Variants in TMLHE observed in about 807,000 individuals in gnomAD.
TMLHE encodes the protein trimethyllysine dioxygenase, mitochondrial.
A neutral mutation model predicts 25.7 loss-of-function variants in TMLHE; 18 were observed. The observed-to-expected ratio is 0.70, with a 90% CI of 0.48 to 1.04. The LOEUF is 1.04. Among genes scored for constraint, TMLHE ranks in the 50% least tolerant of loss-of-function variants. The pLI is 0.00. For synonymous variants in TMLHE, 105 were observed against 97.0 expected (o/e 1.08, Z -0.49); for missense variants, 236 against 259.0 (o/e 0.91, Z 0.61).
chrX:155,552,168 T>C (rs2067420301), intron 1 of TMLHE, among the ~76,000 whole-genome samples: 1 of 110,357 alleles, frequency 9.1e-6, no homozygotes, highest in African/African-American at 3.4e-5. Flanking sequence ...TGCATCTATA[T>C]TGATGTGTAA....
chrX:155,587,877 T>G (rs868906335), intron 1 of TMLHE, among the ~76,000 whole-genome samples: 9 of 112,165 alleles, frequency 8.0e-5, no homozygotes, highest in African/African-American at 2.9e-4. Context: ...AAACATCCCA[T>G]GCTTAAGTAT....
intron 1 of TMLHE, among the ~76,000 whole-genome samples, chrX:155,545,644 C>A (rs186077403): frequency 9.0e-6 from 1 of 111,646 alleles, no homozygotes; most frequent in Non-Finnish European, 1.9e-5. Flanking sequence ...ATAATGGAGC[C>A]GAAAAATCCT....
chrX:155,575,905 A>T (rs782000317), intron 1 of TMLHE, among the ~76,000 whole-genome samples: 1 of 112,035 alleles, frequency 8.9e-6, no homozygotes, highest in South Asian at 3.7e-4. Context: ...TGAATGAGCA[A>T]AAGCTGGAAG....
intron 1 of TMLHE, among the ~76,000 whole-genome samples, chrX:155,596,985 G>A (rs1215666039): frequency 2.8e-5 from 3 of 106,528 alleles, no homozygotes; most frequent in African/African-American, 3.4e-5. Flanking sequence ...CCATTAACTC[G>A]TCATTTAGCG....
chrX:155,522,418 T>A (rs931004050), intron 3 of TMLHE, among the ~76,000 whole-genome samples: 2 of 111,856 alleles, frequency 1.8e-5, no homozygotes, highest in Non-Finnish European at 1.9e-5. Flanking sequence ...TTTAACCAGT[T>A]AAACATATAT....
chrX:155,577,348 CG>C (rs1194959129), intron 1 of TMLHE, among the ~76,000 whole-genome samples: 1 of 111,034 alleles, frequency 9.0e-6, no homozygotes, highest in Non-Finnish European at 1.9e-5. Flanking sequence ...GAGGCCAAGG[CG>C]GGTGGATTGC....
Position 155,565,779 on chromosome X carries a change from C to T in TMLHE, c.-1-20502G>A, listed in dbSNP as rs1241999398. The stretch of plus-strand genomic sequence containing the variant: ...CTACTGCTAGGTGGAAGAGGTGCCT[C>T]GATACTCTGGAGATACTGACTTGAA... On this transcript the variant is annotated intron_variant, in intron 1 of 7. Transcript: ENST00000334398. 9.7e-5 allele frequency among the ~76,000 whole-genome samples: 6 copies of T among 62,167 alleles called. 2 individuals carry two copies. The highest frequency in any genetic ancestry group is 2.7e-4 in the Non-Finnish European group (6 of 22,191). The allele number at this position is 62,167 out of a possible 115,157, so 54.0% of individuals were successfully genotyped here.
At position 155,542,162 on chromosome X, in the gene TMLHE, G is replaced by A. The variant is rs782355783; in HGVS notation, c.181+2934C>T. ...GGTATTGCCTAGGTTTTCTTCTAGG[G>A]TTTTTATGGTTTTAGGTCTTATGTT... On this transcript the variant is annotated intron_variant, in intron 2 of 7. Coordinates refer to ENST00000334398, the MANE Select transcript of TMLHE (RefSeq NM_018196.4). Among the ~76,000 whole-genome samples, 19 of 111,133 alleles carry A rather than the reference G, an allele frequency of 1.7e-4. No homozygotes were observed. In the East Asian group the frequency reaches 5.1e-3, roughly 30 times the overall value.
intron 1 of TMLHE, among the ~76,000 whole-genome samples, chrX:155,591,336 A>T (rs2067692776): frequency 8.9e-6 from 1 of 112,092 alleles, no homozygotes; most frequent in Non-Finnish European, 1.9e-5. Context: ...ATACTTATGG[A>T]CTACCTGACA....
At chrX:155,530,683 A>G (rs1262690568) in intron 2 of TMLHE, among the ~76,000 whole-genome samples, 1 of 112,360 alleles carries the variant, frequency 8.9e-6, no homozygotes, top group Non-Finnish European at 1.9e-5. Flanking sequence ...TTAAACATAC[A>G]CAATGCAATT....
chrX:155,548,517 C>T (rs868926063), intron 1 of TMLHE, among the ~76,000 whole-genome samples: 16 of 108,065 alleles, frequency 1.5e-4, no homozygotes, highest in Non-Finnish European at 2.7e-4. Context: ...GGGCGGATCA[C>T]AAGGTCAGCA....
chrX:155,518,396 T>C (rs2067170747), intron 3 of TMLHE, among the ~76,000 whole-genome samples: 1 of 95,250 alleles, frequency 1.0e-5, no homozygotes, highest in Non-Finnish European at 2.1e-5. Flanking sequence ...GAAAAGCTTT[T>C]TGATGTGCTG....
intron 1 of TMLHE, among the ~76,000 whole-genome samples, chrX:155,549,041 T>C (rs1233157099): frequency 1.8e-5 from 2 of 111,167 alleles, no homozygotes; most frequent in Non-Finnish European, 3.8e-5. Flanking sequence ...AAAATTTCAA[T>C]TTGTAATTGC....
intron 1 of TMLHE, among the ~76,000 whole-genome samples, chrX:155,570,175 G>A (rs1251577892): frequency 3.6e-5 from 2 of 55,009 alleles, no homozygotes; most frequent in African/African-American, 8.8e-5. Flanking sequence ...AAAAGGCAGG[G>A]GTTGCAATCC....
At chrX:155,541,113 A>G (rs1320893698) in intron 2 of TMLHE, among the ~76,000 whole-genome samples, 1 of 110,444 alleles carries the variant, frequency 9.1e-6, no homozygotes, top group Non-Finnish European at 1.9e-5. Flanking sequence ...TTGTTACATA[A>G]GTATACATGA....
Position 155,547,473 on chromosome X carries a change from C to G in TMLHE, c.-1-2196G>C, listed in dbSNP as rs782143972. Among the ~76,000 whole-genome samples, 5 of 111,689 alleles carry G rather than the reference C, an allele frequency of 4.5e-5. No homozygotes were observed. In the East Asian group the frequency reaches 1.4e-3, roughly 31 times the overall value. On this transcript the variant is annotated intron_variant, in intron 1 of 7. Transcript: ENST00000334398. ...AGGTACTTTCTTAAGTATTAAGATA[C>G]AAACATAAATAAATCAGCAGTCCTA...
intron 2 of TMLHE, among the ~76,000 whole-genome samples, chrX:155,532,963 G>T (rs781797905): frequency 9.0e-6 from 1 of 111,488 alleles, no homozygotes; most frequent in Admixed American, 9.5e-5. Context: ...CACTGTAATG[G>T]TTAACTCTAT....
chrX:155,549,258 TAGG>T (rs1557339606), intron 1 of TMLHE, among the ~76,000 whole-genome samples: 1 of 110,857 alleles, frequency 9.0e-6, no homozygotes, highest in Non-Finnish European at 1.9e-5. Flanking sequence ...GCTCACTAGT[TAGG>T]AGGAGTAAGC....
chrX:155,531,639 T>A (rs1431692598), intron 2 of TMLHE, among the ~76,000 whole-genome samples: 1 of 111,815 alleles, frequency 8.9e-6, no homozygotes, highest in East Asian at 2.8e-4. Context: ...ACTTCAAGTG[T>A]ATGCCTCAAA....
Sources: gnomAD v4.1 joint callset for allele counts (sites outside exome capture counted in the v4.1 genomes callset) on GRCh38, gnomAD v4.1.1 for gene constraint, MANE v1.5 for transcripts, NCBI Gene and HGNC (gene_info 2026-07-23, HGNC 2026-07-21) for gene names.